MLLT6: variants seen among roughly 807,000 people sequenced by gnomAD.
The protein encoded by MLLT6 is protein AF-17.
Under a neutral mutation model 103.0 loss-of-function variants are expected in MLLT6, and 22 were observed. The ratio of observed to expected loss-of-function variants is 0.21; its 90% confidence interval spans 0.15 to 0.31. MLLT6 has a LOEUF of 0.31. MLLT6 is among the 10% of genes least tolerant of loss of function. MLLT6 has a pLI of 1.00. For missense variants in MLLT6, 1,199 were observed against 1,441.7 expected (o/e 0.83, Z 2.73); for synonymous variants, 606 against 623.5 (o/e 0.97, Z 0.42).
chr17:38,724,551 A>T lies in MLLT6; in HGVS notation c.2884-69A>T. The stretch of plus-strand genomic sequence containing the variant: ...GTGATGGGGTGGGGCCTGGCCAGGC[A>T]GGGCAGGCAGGCAGCAGGGAAGAGA... On this transcript the variant is annotated intron_variant, in intron 18 of 19. Transcript: ENST00000621332. The surrounding 1 kb of genome is among the most constrained non-coding windows in gnomAD (Gnocchi z 5.4). 2 of 1,240,152 alleles carry T rather than the reference A, an allele frequency of 1.6e-6. No individual in the cohort carries two copies. Among genetic ancestry groups the T allele is most frequent in the Non-Finnish European group, 2.2e-6 (2 of 891,790 alleles). 76.8% of individuals were successfully genotyped at this position (1,240,152 alleles called of 1,614,324 possible).
Position 38,720,548 on chromosome 17 carries a change from C to T in MLLT6, c.2332C>T (p.Pro778Ser), listed in dbSNP as rs746121571. Reference protein sequence around the residue: ...LPAANGPVPGPYGLPPQAGSS... With the variant: ...LPAANGPVPGSYGLPPQAGSS... Reference sequence around the variant, plus strand: ...TGCCGCCAACGGCCCTGTCCCTGGGCCCTATGGCCTGCCTCCCCAAGGTGA... The same window carrying T: ...TGCCGCCAACGGCCCTGTCCCTGGGTCCTATGGCCTGCCTCCCCAAGGTGA... The change falls in exon 15 of 20, where the codon CCC becomes TCC. Residue 778 changes from proline (P) to serine (S), a missense_variant. Coordinates refer to ENST00000621332, the MANE Select transcript of MLLT6 (RefSeq NM_005937.4). 82 of 1,612,102 alleles carry T rather than the reference C, an allele frequency of 5.1e-5. No homozygotes were observed. Among genetic ancestry groups the T allele is most frequent in the Admixed American group, 8.4e-5 (5 of 59,820 alleles).
intron 14 of MLLT6, 45 bp from the exon 15 acceptor site, chr17:38,720,327 C>CCCCCCCCCCCCCCCCCCCCCCCCCGG: frequency 8.1e-7 from 1 of 1,229,880 alleles, no homozygotes; most frequent in Non-Finnish European, 1.1e-6. Context: ...CTGGCCCCGC[C>CCCCCCCCCCCCCCCCCCCCCCCCCGG]TCCGCCCCCT....
At position 38,705,602 on chromosome 17, in the gene MLLT6, C is replaced by A. The variant is rs373453263; in HGVS notation, c.-31C>A. The A allele has an allele frequency of 3.1e-4, 423 of 1,359,480 alleles. 2 individuals are homozygous for A. The African/African-American group carries it at 5.1e-3, about 16-fold the overall frequency. 84.2% of individuals were successfully genotyped at this position (1,359,480 alleles called of 1,614,324 possible). A position where few individuals can be genotyped will look rare whatever the true frequency, so the allele number is the denominator to read the frequency against. On this transcript the variant is annotated 5_prime_UTR_variant, in exon 1 of 20. Coordinates refer to ENST00000621332, the MANE Select transcript of MLLT6 (RefSeq NM_005937.4). ...CCCCGACCCCCGCCGGCCGGCCCCC[C>A]GCCCCAGCCCCGGAGGGAGCTCATG...
At position 38,709,307 on chromosome 17, in the gene MLLT6, C is replaced by G. The variant is rs766999217; in HGVS notation, c.458+31C>G. The G allele has an allele frequency of 2.5e-6, 4 of 1,579,058 alleles. No homozygotes were observed. The highest frequency in any genetic ancestry group is 1.7e-5 in the Admixed American group (1 of 59,910). ...ACCCCTGTCCCACCCCCCTGCCCCC[C>G]GGGTTTGTCCTGGATGGCCACTGAT... On this transcript the variant is annotated intron_variant, in intron 5 of 19. Coordinates refer to ENST00000621332, the MANE Select transcript of MLLT6 (RefSeq NM_005937.4). The surrounding 1 kb of genome is among the most constrained non-coding windows in gnomAD (Gnocchi z 4.3).
At chr17:38,707,894 C>G (rs1285815465) in intron 4 of MLLT6, 22 bp downstream of exon 4, 1 of 1,451,426 alleles carries the variant, frequency 6.9e-7, no homozygotes. Context: ...CCCGCCGTGT[C>G]CCCTACCAGT....
chr17:38,729,447 T>C lies in MLLT6; in HGVS notation c.*3849T>C, dbSNP rs1906204961. 2 of 233,490 alleles carry C rather than the reference T, an allele frequency of 8.6e-6. No individual in the cohort carries two copies. Among genetic ancestry groups the C allele is most frequent in the Admixed American group, 1.1e-4 (2 of 17,770 alleles). The allele number at this position is 233,490 out of a possible 1,614,324, so 14.5% of individuals were successfully genotyped here. ...TGAGGGGTGCCTTCATTCCCCTTTG[T>C]TCACTTTCTCCAGCTCAACTTGGGA... On this transcript the variant is annotated 3_prime_UTR_variant, in exon 20 of 20. Transcript: ENST00000621332.
At chr17:38,720,183 G>A (rs1265270172) in intron 14 of MLLT6, 189 bp from the exon 15 acceptor site, 7 of 693,932 alleles carry the variant, frequency 1.0e-5, no homozygotes, top group South Asian at 1.9e-5. Flanking sequence ...CTCAGGCTCC[G>A]CCCCAGGTCT....
In MLLT6 at chr17:38,726,366, CGTGCAT is replaced by C. The variant is rs1208792301; in HGVS notation, c.*772_*777del. ...GTCTCAGTGTGTGAGTGTGTGTGTG[CGTGCAT>C]GTGTGTGTGTGTGTGTGTGTGTGTG... On this transcript the variant is annotated 3_prime_UTR_variant, in exon 20 of 20. Coordinates refer to ENST00000621332, the MANE Select transcript of MLLT6 (RefSeq NM_005937.4). 4.4e-6 allele frequency: 1 copy of C among 228,646 alleles called. No homozygotes were observed. Among genetic ancestry groups the C allele is most frequent in the East Asian group, 6.1e-5 (1 of 16,498 alleles). 14.2% of individuals were successfully genotyped at this position (228,646 alleles called of 1,614,324 possible).
chr17:38,720,343 C>T, intron 14 of MLLT6, 29 bp from the exon 15 acceptor site: 3 of 1,572,148 alleles, frequency 1.9e-6, no homozygotes, highest in African/African-American at 1.3e-5. Context: ...CCCCTCGCCC[C>T]TCCCTCAGGT....
chr17:38,715,470 C>T (rs1336427304), intron 8 of MLLT6, 142 bp from the exon 9 acceptor site: 8 of 1,389,512 alleles, frequency 5.8e-6, no homozygotes, highest in South Asian at 1.6e-5. Context: ...CCTGGCCACT[C>T]CCTGCCCGGA....
chr17:38,724,320 T>C lies in MLLT6; in HGVS notation c.2884-300T>C, dbSNP rs111699371. The C allele has an allele frequency of 5.7e-3, 2,189 of 384,932 alleles. 38 individuals carry two copies. Among genetic ancestry groups the C allele is most frequent in the African/African-American group, 0.041 (1,988 of 48,368 alleles). The allele number at this position is 384,932 out of a possible 1,614,324, so 23.8% of individuals were successfully genotyped here. A position where few individuals can be genotyped will look rare whatever the true frequency, so the allele number is the denominator to read the frequency against. ...TTTAGTGTTTTTCAACTTGGGGGCG[T>C]CTGTGGTTGTCTTAGGAGCTGAGGG... On this transcript the variant is annotated intron_variant, in intron 18 of 19. Transcript: ENST00000621332. The surrounding 1 kb of genome is among the most constrained non-coding windows in gnomAD (Gnocchi z 5.4).
Position 38,725,727 on chromosome 17 carries a change from A to C in MLLT6, c.*129A>C, listed in dbSNP as rs778924035. The C allele has an allele frequency of 1.6e-4, 124 of 787,338 alleles. No individual in the cohort carries two copies. The highest frequency in any genetic ancestry group is 2.3e-4 in the Non-Finnish European group (114 of 502,270). 48.8% of individuals were successfully genotyped at this position (787,338 alleles called of 1,614,324 possible). A position where few individuals can be genotyped will look rare whatever the true frequency, so the allele number is the denominator to read the frequency against. ...TGACCCAGAGCCTGTGCTGAGGTCCAGGGAGTGTGGAGAGCTCCTGGTGTC... is the reference window on the plus strand; with the variant it reads ...TGACCCAGAGCCTGTGCTGAGGTCCCGGGAGTGTGGAGAGCTCCTGGTGTC... On this transcript the variant is annotated 3_prime_UTR_variant, in exon 20 of 20. Transcript: ENST00000621332.
chr17:38,712,669 C>G (rs1905184554), intron 7 of MLLT6, 22 bp from the exon 8 acceptor site: 1 of 1,547,544 alleles, frequency 6.5e-7, no homozygotes, highest in African/African-American at 1.4e-5. Context: ...AGCACAATAT[C>G]TAGTCACCTC....
chr17:38,707,798 G>A lies in MLLT6; in HGVS notation c.280G>A (p.Glu94Lys). ...CGTGGTGTGTGCCCTCTACATCCCC[G>A]AGGTGCAATTTGCCAACGTGCTCAC... Reference protein sequence around the residue: ...AHVVCALYIPEVQFANVLTME... With the variant: ...AHVVCALYIPKVQFANVLTME... The change falls in exon 4 of 20, where the codon GAG becomes AAG. Residue 94 changes from glutamate to lysine, a missense_variant. Glu to Lys is a moderately conservative substitution (Grantham distance 56, BLOSUM62 1). Transcript: ENST00000621332. 1 of 1,613,778 alleles carries A rather than the reference G, an allele frequency of 6.2e-7. No individual in the cohort carries two copies. The highest frequency in any genetic ancestry group is 8.5e-7 in the Non-Finnish European group (1 of 1,179,806).
At chr17:38,713,526 C>T (rs1293617245) in intron 8 of MLLT6, 6 of 158,360 alleles carry the variant, frequency 3.8e-5, no homozygotes, top group Admixed American at 1.3e-4. Flanking sequence ...CCATCTCAGA[C>T]GGTTGGCAGA....
rs568544343 is a variant in MLLT6 at position 38,722,872 on chromosome 17, G to A, written c.2883+104G>A. The A allele has an allele frequency of 6.9e-6, 6 of 867,884 alleles. No individual in the cohort carries two copies. In the African/African-American group the frequency reaches 9.9e-5, roughly 14 times the overall value. 53.8% of individuals were successfully genotyped at this position (867,884 alleles called of 1,614,324 possible). A position where few individuals can be genotyped will look rare whatever the true frequency, so the allele number is the denominator to read the frequency against. ...AGGAGAGGGCAGGAGCAGGCAGAGT[G>A]AGGGGAAGCTCTAGGCTGGGCCTGT... On this transcript the variant is annotated intron_variant, in intron 18 of 19. Transcript: ENST00000621332.
Position 38,716,820 on chromosome 17 carries a change from C to A in MLLT6, c.1490C>A (p.Ser497Tyr). Residue 497 changes from serine (S) to tyrosine (Y), a missense_variant, in exon 10 of 20, where the codon TCC becomes TAC. Physicochemically the swap from Ser to Tyr is moderately radical, Grantham distance 144 (BLOSUM62 -2). Transcript: ENST00000621332. This position sits in a 1 kb window ranked among gnomAD's most constrained non-coding sequence, Gnocchi z 5.6. ...GGCACTGGGGGCCCAGCTGCCCCAT[C>A]CTTGCCCAGTGCCCAGCTGGCTGGC... Reference protein sequence around the residue: ...KEGTGGPAAPSLPSAQLAGFT... With the variant: ...KEGTGGPAAPYLPSAQLAGFT... The A allele has an allele frequency of 6.2e-7, 1 of 1,612,446 alleles. No homozygotes were observed. Among genetic ancestry groups the A allele is most frequent in the Non-Finnish European group, 8.5e-7 (1 of 1,179,232 alleles).
At position 38,709,293 on chromosome 17, in the gene MLLT6, AC is replaced by A. The variant is rs766983564; in HGVS notation, c.458+23del. On this transcript the variant is annotated intron_variant, in intron 5 of 19. Coordinates refer to ENST00000621332, the MANE Select transcript of MLLT6 (RefSeq NM_005937.4). The surrounding 1 kb of genome is among the most constrained non-coding windows in gnomAD (Gnocchi z 4.3). ...CGTCACCTGGTGAGACCCCTGTCCC[AC>A]CCCCCTGCCCCCCGGGTTTGTCCTG... 5.6e-6 allele frequency: 9 copies of A among 1,601,728 alleles called. No individual in the cohort carries two copies. The highest frequency in any genetic ancestry group is 3.3e-5 in the Admixed American group (2 of 59,944).
At position 38,724,629 on chromosome 17, in the gene MLLT6, A is replaced by C; in HGVS notation, c.2893A>C (p.Thr965Pro). Residue 965 changes from threonine to proline, a missense_variant, in exon 19 of 20, where the codon ACT becomes CCT. Thr to Pro is a conservative substitution (Grantham distance 38, BLOSUM62 -1). This residue lies in a region of MLLT6 where 1,034 missense variants were observed against 1,091.5 expected (regional missense o/e 0.95). Coordinates refer to ENST00000621332, the MANE Select transcript of MLLT6 (RefSeq NM_005937.4). This position sits in a 1 kb window ranked among gnomAD's most constrained non-coding sequence, Gnocchi z 5.4. ...TCTGGCCCCCTTGCAGGAACACCAG[A>C]CTGTTGTCTACCAGATGATCCAGCA... ...ASPQLTPEHQ[T>P]VVYQMIQQIQ... 3.1e-6 allele frequency: 5 copies of C among 1,594,748 alleles called. No individual in the cohort carries two copies. Among genetic ancestry groups the C allele is most frequent in the Non-Finnish European group, 4.3e-6 (5 of 1,167,486 alleles).
Sources: gnomAD v4.1 joint callset for allele counts on GRCh38, gnomAD v4.1.1 for gene constraint, gnomAD v4.1.1 regional missense constraint, Gnocchi (gnomAD v3.1) non-coding constraint, MANE v1.5 for transcripts, NCBI Gene and HGNC (gene_info 2026-07-23, HGNC 2026-07-21) for gene names.